The following TTL variants were observed in gnomAD, a reference collection of about 807,000 sequenced individuals.
TTL encodes the protein tubulin--tyrosine ligase.
A neutral mutation model predicts 41.1 loss-of-function variants in TTL; 10 were observed. The observed-to-expected ratio is 0.24, with a 90% CI of 0.15 to 0.41. The LOEUF (loss-of-function observed/expected upper bound fraction) is 0.41, where lower values mean the gene tolerates loss of function less well. Among genes scored for constraint, TTL ranks in the 10% least tolerant of loss-of-function variants. The pLI is 1.00. For synonymous variants in TTL, 175 were observed against 175.5 expected, an observed-to-expected ratio of 1.00 and a Z score of 0.02; for missense variants, 367 against 460.4, an observed-to-expected ratio of 0.80 and a Z score of 1.86.
chr2:112,484,005 C>A (rs1410029151), intron 1 of TTL: 1 of 152,178 alleles, frequency 6.6e-6, no homozygotes, highest in Non-Finnish European at 1.5e-5. Flanking sequence ...TCCAGACTTC[C>A]TGACTTCCCT....
intron 2 of TTL, among the ~76,000 whole-genome samples, chr2:112,488,556 G>A (rs1681300889): frequency 6.6e-6 from 1 of 151,774 alleles, no homozygotes; most frequent in African/African-American, 2.4e-5. Context: ...TCAGGAGTTC[G>A]AGACCAATCT....
In TTL at chr2:112,533,296, A is replaced by G. The variant is rs1194069335; in HGVS notation, c.*4501A>G. 1 of 152,130 alleles carries G rather than the reference A, an allele frequency of 6.6e-6. No homozygotes were observed. The allele number at this position is 152,130 out of a possible 1,614,324, so 9.4% of individuals were successfully genotyped here. A position where few individuals can be genotyped will look rare whatever the true frequency, so the allele number is the denominator to read the frequency against. On this transcript the variant is annotated 3_prime_UTR_variant, in exon 7 of 7. Coordinates refer to ENST00000233336, the MANE Select transcript of TTL (RefSeq NM_153712.5). ...GGCAGGGTGCAGGGTGCAGGGTGCA[A>G]GCAGACATGGATCCAGGCAGGCACC... is the stretch of plus-strand genomic sequence containing the variant.
At chr2:112,491,910 C>G (rs1033409591) in intron 2 of TTL, among the ~76,000 whole-genome samples, 1 of 152,090 alleles carries the variant, frequency 6.6e-6, no homozygotes, top group African/African-American at 2.4e-5. Context: ...GTTCTAGCTT[C>G]TGTGTCCCTA....
rs576460713 is a variant in TTL at position 112,484,903 on chromosome 2, T to C, written c.158-1014T>C. Among the ~76,000 whole-genome samples the C allele has an allele frequency of 3.3e-5, 5 of 152,366 alleles. No homozygotes were observed. The East Asian group carries it at 7.7e-4, about 23-fold the overall frequency. On this transcript the variant is annotated intron_variant, in intron 1 of 6. Coordinates refer to ENST00000233336, the MANE Select transcript of TTL (RefSeq NM_153712.5). The stretch of plus-strand genomic sequence containing the variant: ...TCCTTTGGTCTTACTTTGATTTTGT[T>C]ACTGGAAATACAGTGTGTTTTATTA...
intron 6 of TTL, chr2:112,521,447 A>G (rs1682227686): frequency 2.4e-6 from 2 of 818,468 alleles, no homozygotes; most frequent in African/African-American, 1.9e-5. Context: ...CATGATGTCA[A>G]GACCCTTTCG....
At chr2:112,497,625 A>G (rs1156719083) in intron 3 of TTL, among the ~76,000 whole-genome samples, 2 of 151,934 alleles carry the variant, frequency 1.3e-5, no homozygotes, top group Non-Finnish European at 2.9e-5. Flanking sequence ...TCATGTGTGT[A>G]GGGGAAGAGA....
At position 112,528,884 on chromosome 2, in the gene TTL, C is replaced by T. The variant is rs1243737248; in HGVS notation, c.*89C>T. On this transcript the variant is annotated 3_prime_UTR_variant, in exon 7 of 7. Coordinates refer to ENST00000233336, the MANE Select transcript of TTL (RefSeq NM_153712.5). ...ACTGGATTGCTCTTTATCCAGCCCA[C>T]AGCAGGGGAAAGAAAGGCAACTCGC... 4.5e-5 allele frequency: 49 copies of T among 1,087,244 alleles called. No homozygotes were observed. Among genetic ancestry groups the T allele is most frequent in the Non-Finnish European group, 6.6e-5 (47 of 712,264 alleles). The allele number at this position is 1,087,244 out of a possible 1,614,324, so 67.3% of individuals were successfully genotyped here. A position where few individuals can be genotyped will look rare whatever the true frequency, so the allele number is the denominator to read the frequency against.
rs1682435487 is a variant in TTL, at chr2:112,528,895, A to T, written c.*100A>T. On this transcript the variant is annotated 3_prime_UTR_variant, in exon 7 of 7. Coordinates refer to ENST00000233336, the MANE Select transcript of TTL (RefSeq NM_153712.5). ...CTTTATCCAGCCCACAGCAGGGGAA[A>T]GAAAGGCAACTCGCAAAGATGAGAT... 3 of 983,022 alleles carry T rather than the reference A, an allele frequency of 3.1e-6. No homozygotes were observed. 60.9% of individuals were successfully genotyped at this position (983,022 alleles called of 1,614,324 possible).
intron 5 of TTL, among the ~76,000 whole-genome samples, chr2:112,515,236 G>A (rs1048865651): frequency 3.9e-5 from 6 of 152,052 alleles, no homozygotes; most frequent in Admixed American, 1.3e-4. Context: ...GGCTGCATAT[G>A]GCCTGTAGCT....
At chr2:112,520,675 ACAGGTAGACTGT>A (rs1320059129) in intron 6 of TTL, 7 of 445,600 alleles carry the variant, frequency 1.6e-5, no homozygotes, top group African/African-American at 1.9e-5. Flanking sequence ...GGAGGCCAAG[ACAGGTAGACTGT>A]CAGGTAGACT....
Position 112,531,054 on chromosome 2 carries a change from A to G in TTL, c.*2259A>G, listed in dbSNP as rs1574076298. ...CTATTCGCAGTTGTAATCATAGCACACTGCAGCCTCGAATTTCTGGGCTTG... is the reference window on the plus strand; with the variant it reads ...CTATTCGCAGTTGTAATCATAGCACGCTGCAGCCTCGAATTTCTGGGCTTG... On this transcript the variant is annotated 3_prime_UTR_variant, in exon 7 of 7. Coordinates refer to ENST00000233336, the MANE Select transcript of TTL (RefSeq NM_153712.5). The G allele has an allele frequency of 5.0e-6, 1 of 200,898 alleles. No homozygotes were observed. Among genetic ancestry groups the G allele is most frequent in the Admixed American group, 6.0e-5 (1 of 16,682 alleles). 12.4% of individuals were successfully genotyped at this position (200,898 alleles called of 1,614,324 possible).
Position 112,540,433 on chromosome 2 carries a change from C to CAAAAAAAAAAAAAA in TTL, c.*11641_*11654dup, listed in dbSNP as rs76177853. ...AACTCTGTCTCAAAAAAACAAAAAACAAAAAAAAAAAAAAAAGAGAAAGAA... is the reference window on the plus strand; with the variant it reads ...AACTCTGTCTCAAAAAAACAAAAAACAAAAAAAAAAAAAAAAAAAAAAAAAAAAAAGAGAAAGAA... On this transcript the variant is annotated 3_prime_UTR_variant, in exon 7 of 7. Transcript: ENST00000233336. The CAAAAAAAAAAAAAA allele has an allele frequency of 8.8e-6, 1 of 113,836 alleles. No homozygotes were observed. The allele number at this position is 113,836 out of a possible 1,614,324, so 7.1% of individuals were successfully genotyped here. A position where few individuals can be genotyped will look rare whatever the true frequency, so the allele number is the denominator to read the frequency against.
At chr2:112,510,319 G>T (rs78775667) in intron 5 of TTL, among the ~76,000 whole-genome samples, 6,367 of 152,014 alleles carry the variant, frequency 0.042, 466 homozygotes, top group African/African-American at 0.15. Context: ...TTGTAGAATT[G>T]GGTCTCACTG....
At chr2:112,492,763 C>T (rs1469671812) in intron 2 of TTL, among the ~76,000 whole-genome samples, 3 of 151,326 alleles carry the variant, frequency 2.0e-5, no homozygotes, top group African/African-American at 4.9e-5. Flanking sequence ...TGGTCACGGG[C>T]GTCTGTAATC....
Position 112,534,765 on chromosome 2 carries a change from A to G in TTL, c.*5970A>G, listed in dbSNP as rs1411520851. On this transcript the variant is annotated 3_prime_UTR_variant, in exon 7 of 7. Coordinates refer to ENST00000233336, the MANE Select transcript of TTL (RefSeq NM_153712.5). ...GAAAAACTGGGAATGAGATTTCTAT[A>G]GGACGTTTTGAAAAGCTTCAACCTA... The G allele has an allele frequency of 1.3e-5, 2 of 152,278 alleles. No homozygotes were observed. The highest frequency in any genetic ancestry group is 2.9e-5 in the Non-Finnish European group (2 of 68,070). The allele number at this position is 152,278 out of a possible 1,614,324, so 9.4% of individuals were successfully genotyped here. A position where few individuals can be genotyped will look rare whatever the true frequency, so the allele number is the denominator to read the frequency against.
intron 6 of TTL, among the ~76,000 whole-genome samples, chr2:112,526,917 G>A (rs1034176515): frequency 3.3e-5 from 5 of 152,100 alleles, no homozygotes; most frequent in African/African-American, 7.2e-5. Flanking sequence ...TTTCTCTTGT[G>A]GGCATTTAGT....
In TTL at chr2:112,535,948, G is replaced by A. The variant is rs1158462961; in HGVS notation, c.*7153G>A. 1 of 152,134 alleles carries A rather than the reference G, an allele frequency of 6.6e-6. No individual in the cohort carries two copies. Among genetic ancestry groups the A allele is most frequent in the Non-Finnish European group, 1.5e-5 (1 of 68,032 alleles). 9.4% of individuals were successfully genotyped at this position (152,134 alleles called of 1,614,324 possible). A position where few individuals can be genotyped will look rare whatever the true frequency, so the allele number is the denominator to read the frequency against. ...GCCACCCAAGTAGCTGGAACTATAG[G>A]TGCCTGCCACCATACTTGGCTAATT... On this transcript the variant is annotated 3_prime_UTR_variant, in exon 7 of 7. Transcript: ENST00000233336.
intron 5 of TTL, among the ~76,000 whole-genome samples, chr2:112,516,971 T>C (rs1252989771): frequency 6.6e-6 from 1 of 152,098 alleles, no homozygotes; most frequent in African/African-American, 2.4e-5. Flanking sequence ...CTTTCCGCAT[T>C]GTTCATTGCT....
At chr2:112,524,375 C>T (rs181644554) in intron 6 of TTL, among the ~76,000 whole-genome samples, 1 of 152,334 alleles carries the variant, frequency 6.6e-6, no homozygotes, top group Admixed American at 6.5e-5. Context: ...GCCACACTGT[C>T]TTCTGCAATG....
Sources: gnomAD v4.1 joint callset for allele counts (sites outside exome capture counted in the v4.1 genomes callset) on GRCh38, gnomAD v4.1.1 for gene constraint, MANE v1.5 for transcripts, NCBI Gene and HGNC (gene_info 2026-07-23, HGNC 2026-07-21) for gene names.